INVS: variants seen among roughly 807,000 people sequenced by gnomAD.
INVS encodes the protein inversion of embryo turning homolog.
Under a neutral mutation model 108.8 loss-of-function variants are expected in INVS, and 86 were observed. The ratio of observed to expected loss-of-function variants is 0.79; its 90% CI spans 0.66 to 0.95. The LOEUF is 0.95. INVS is among the 40% of genes least tolerant of loss of function. The probability of loss-of-function intolerance (pLI) is 0.00; values close to 1 mark genes in which losing one functional copy is unlikely to be tolerated. For synonymous variants in INVS, 455 were observed against 473.5 expected, an observed-to-expected ratio of 0.96 and a Z score of 0.51; for missense variants, 1,169 against 1,297.4, an observed-to-expected ratio of 0.90 and a Z score of 1.52.
At chr9:100,124,177 AGTGT>A (rs3052021) in intron 2 of INVS, among the ~76,000 whole-genome samples, 34,386 of 144,010 alleles carry the variant, frequency 0.24, 3,965 homozygotes, top group South Asian at 0.33. Flanking sequence ...TTTGTTTCTG[AGTGT>A]GTGTGTGTGT....
In INVS at chr9:100,292,286, C is replaced by A. The variant is rs142068558; in HGVS notation, c.2069-40C>A. ...AACATATTAGGAAAATTATCCTACT[C>A]TGCAAGTTTTGGACAATATTTTTTC... On this transcript the variant is annotated intron_variant, in intron 13 of 16. Transcript: ENST00000262457. 2.2e-4 allele frequency: 335 copies of A among 1,546,632 alleles called. 2 individuals carry two copies. The African/African-American group carries it at 4.3e-3, about 20-fold the overall frequency.
At position 100,264,844 on chromosome 9, in the gene INVS, C is replaced by G. The variant is rs1564182748; in HGVS notation, c.1487C>G (p.Ser496Cys). 6.2e-7 allele frequency: 1 copy of G among 1,613,102 alleles called. No homozygotes were observed. ...TAGGGAAGAACAGCTTTGCATTGGT[C>G]CTGCAACAATGGATACCTTGATGCC... is the stretch of plus-strand genomic sequence containing the variant. ...DKEGRTALHW[S>C]CNNGYLDAIK... The change falls in exon 11 of 17, where the codon TCC (serine) becomes TGC (cysteine). Residue 496 changes from serine to cysteine, a missense_variant. Transcript: ENST00000262457.
intron 3 of INVS, among the ~76,000 whole-genome samples, chr9:100,223,204 C>A (rs1257189055): frequency 6.6e-6 from 1 of 151,716 alleles, no homozygotes; most frequent in East Asian, 1.9e-4. Context: ...CAAGGATTTT[C>A]ATGCCTCACC....
chr9:100,122,791 A>G (rs899794146), intron 2 of INVS, among the ~76,000 whole-genome samples: 2 of 151,600 alleles, frequency 1.3e-5, no homozygotes, highest in African/African-American at 4.8e-5. Flanking sequence ...TCACCATGTT[A>G]GCCAGGATGG....
At position 100,259,126 on chromosome 9, in the gene INVS, G is replaced by A. The variant is rs570096410; in HGVS notation, c.1465-5696G>A. On this transcript the variant is annotated intron_variant, in intron 10 of 16. Transcript: ENST00000262457. Reference sequence around the variant, plus strand: ...TACTCAAGCCTCAGCAATGGCGGACGCCCCTCCCCCAGCCTCGCTGCTGCC... The same window carrying A: ...TACTCAAGCCTCAGCAATGGCGGACACCCCTCCCCCAGCCTCGCTGCTGCC... Among the ~76,000 whole-genome samples the A allele has an allele frequency of 3.3e-5, 5 of 152,270 alleles. No homozygotes were observed. In the South Asian group the frequency reaches 6.2e-4, roughly 19 times the overall value.
chr9:100,196,065 T>C (rs1244790319), intron 3 of INVS, among the ~76,000 whole-genome samples: 1 of 152,222 alleles, frequency 6.6e-6, no homozygotes, highest in Non-Finnish European at 1.5e-5. Context: ...ATTGGAATTA[T>C]TTATTTCTTA....
At chr9:100,206,268 G>A (rs928483448) in intron 3 of INVS, among the ~76,000 whole-genome samples, 14 of 152,078 alleles carry the variant, frequency 9.2e-5, no homozygotes, top group African/African-American at 3.4e-4. Context: ...AGGTTTAAGA[G>A]GTGCAGGCTG....
intron 11 of INVS, 143 bp downstream of exon 11, chr9:100,265,071 T>A: frequency 1.5e-6 from 1 of 671,408 alleles, no homozygotes; most frequent in Non-Finnish European, 2.7e-6. Flanking sequence ...GCCTCCTGAG[T>A]ACCTGGGATT....
intron 11 of INVS, among the ~76,000 whole-genome samples, chr9:100,270,705 G>A (rs935663264): frequency 6.3e-5 from 9 of 141,754 alleles, no homozygotes; most frequent in East Asian, 4.1e-4. Context: ...CTGAGATCGC[G>A]TCATTGCACT....
intron 3 of INVS, chr9:100,215,034 T>C (rs1389740443): frequency 6.6e-6 from 1 of 152,204 alleles, no homozygotes; most frequent in Non-Finnish European, 1.5e-5. Context: ...CTGTAGCTTA[T>C]AGAAGGGTAA....
chr9:100,263,911 G>A (rs1832705730), intron 10 of INVS, among the ~76,000 whole-genome samples: 1 of 151,984 alleles, frequency 6.6e-6, no homozygotes, highest in African/African-American at 2.4e-5. Flanking sequence ...TATCTTTACT[G>A]CTCTTTTGTC....
In INVS at chr9:100,302,163, A is replaced by ACTT. The variant is rs1276946527; in HGVS notation, c.*1491_*1493dup. 9 of 1,352,332 alleles carry ACTT rather than the reference A, an allele frequency of 6.7e-6. No individual in the cohort carries two copies. Among genetic ancestry groups the ACTT allele is most frequent in the Non-Finnish European group, 8.2e-6 (8 of 978,796 alleles). 83.8% of individuals were successfully genotyped at this position (1,352,332 alleles called of 1,614,324 possible). On this transcript the variant is annotated 3_prime_UTR_variant, in exon 17 of 17. Transcript: ENST00000262457. The stretch of plus-strand genomic sequence containing the variant: ...CAAATAAGATAGATGTGAATAAACA[A>ACTT]CTTCAAACAGGAGGTACTATGGCCT...
At chr9:100,208,823 A>T (rs1830748416) in intron 3 of INVS, among the ~76,000 whole-genome samples, 1 of 152,234 alleles carries the variant, frequency 6.6e-6, no homozygotes, top group Non-Finnish European at 1.5e-5. Flanking sequence ...TCAAACAATG[A>T]GAACATTAGG....
In INVS at chr9:100,122,733, G is replaced by A. The variant is rs1242811596; in HGVS notation, c.107-3650G>A. Among the ~76,000 whole-genome samples, 6 of 151,724 alleles carry A rather than the reference G, an allele frequency of 4.0e-5. No individual in the cohort carries two copies. The East Asian group carries it at 1.2e-3, about 30-fold the overall frequency. On this transcript the variant is annotated intron_variant, in intron 2 of 16. Coordinates refer to ENST00000262457, the MANE Select transcript of INVS (RefSeq NM_014425.5). ...AAGGTGGCTGGGACTACAGGCACCT[G>A]CCACCACACCCAGCTAATTTTTTCT...
At chr9:100,134,346 G>T (rs1205383392) in intron 3 of INVS, among the ~76,000 whole-genome samples, 1 of 152,132 alleles carries the variant, frequency 6.6e-6, no homozygotes, top group Non-Finnish European at 1.5e-5. Context: ...CTCGTTGATT[G>T]ATGGGCATTT....
At chr9:100,220,970 G>C (rs1169270379) in intron 3 of INVS, among the ~76,000 whole-genome samples, 2 of 107,106 alleles carry the variant, frequency 1.9e-5, no homozygotes, top group Non-Finnish European at 4.0e-5. Context: ...GCAAGACTCT[G>C]TCCCAAAAAA....
At chr9:100,104,273 C>T (rs572799986) in intron 1 of INVS, among the ~76,000 whole-genome samples, 1 of 152,274 alleles carries the variant, frequency 6.6e-6, no homozygotes, top group East Asian at 1.9e-4. Flanking sequence ...CTATCTTGCC[C>T]AGGCTGCTCT....
intron 2 of INVS, chr9:100,117,409 G>C (rs1031630808): frequency 1.3e-6 from 1 of 787,280 alleles, no homozygotes. Flanking sequence ...CCAGGGACTT[G>C]ATCTTCATGT....
intron 3 of INVS, among the ~76,000 whole-genome samples, chr9:100,150,265 CAATCATCTTCATTTTCT>C (rs1297533026): frequency 6.6e-6 from 1 of 152,094 alleles, no homozygotes; most frequent in Non-Finnish European, 1.5e-5. Context: ...ATGTTTCCTA[CAATCATCTTCATTTTCT>C]AATCATCTTC....
Sources: gnomAD v4.1 joint callset for allele counts (sites outside exome capture counted in the v4.1 genomes callset) on GRCh38, gnomAD v4.1.1 for gene constraint, MANE v1.5 for transcripts, NCBI Gene and HGNC (gene_info 2026-07-23, HGNC 2026-07-21) for gene names.